Variants in TMEM50A observed in about 807,000 individuals in gnomAD.
The protein encoded by TMEM50A is transmembrane protein 50A.
Under a neutral mutation model 23.9 loss-of-function variants are expected in TMEM50A, and 8 were observed. That is an observed-to-expected ratio of 0.33 (90% CI 0.20 to 0.60). The LOEUF (loss-of-function observed/expected upper bound fraction) is 0.60, where lower values mean the gene tolerates loss of function less well. Ranked by LOEUF, TMEM50A falls within the 20% of genes least tolerant of loss-of-function variation. The pLI is 0.81. For missense variants in TMEM50A, 178 were observed against 192.7 expected (o/e 0.92, Z 0.45); for synonymous variants, 55 against 60.4 (o/e 0.91, Z 0.41).
intron 1 of TMEM50A, among the ~76,000 whole-genome samples, chr1:25,339,150 G>T (rs1645138615): frequency 6.6e-6 from 1 of 152,150 alleles, no homozygotes; most frequent in Admixed American, 6.6e-5. Context: ...ATAATTGCTG[G>T]CTACAAAGTA....
chr1:25,362,319 C>A lies in TMEM50A; in HGVS notation c.*1614C>A, dbSNP rs1645422272. ...TATTGATAGCATCATCCTAATGAAA[C>A]TAAACATTTATTTTAAACTTATTAA... is the stretch of plus-strand genomic sequence containing the variant. On this transcript the variant is annotated 3_prime_UTR_variant, in exon 7 of 7. Coordinates refer to ENST00000374358, the MANE Select transcript of TMEM50A (RefSeq NM_014313.4). 8.6e-7 allele frequency: 1 copy of A among 1,157,890 alleles called. No individual in the cohort carries two copies. The highest frequency in any genetic ancestry group is 2.6e-5 in the Admixed American group (1 of 38,584). 71.7% of individuals were successfully genotyped at this position (1,157,890 alleles called of 1,614,324 possible). A position where few individuals can be genotyped will look rare whatever the true frequency, so the allele number is the denominator to read the frequency against.
chr1:25,349,060 C>A (rs917938203), intron 3 of TMEM50A, among the ~76,000 whole-genome samples: 10 of 152,108 alleles, frequency 6.6e-5, no homozygotes, highest in African/African-American at 2.2e-4. Flanking sequence ...GAAGGCAGCC[C>A]TACATGGGAT....
At chr1:25,360,273 C>T (rs1394230498) in intron 6 of TMEM50A, among the ~76,000 whole-genome samples, 3 of 150,582 alleles carry the variant, frequency 2.0e-5, no homozygotes, top group East Asian at 1.9e-4. Context: ...GGCATGAACC[C>T]GGGAGGCAGA....
intron 6 of TMEM50A, among the ~76,000 whole-genome samples, chr1:25,357,762 C>T (rs550321731): frequency 2.0e-5 from 3 of 152,050 alleles, no homozygotes; most frequent in East Asian, 1.9e-4. Flanking sequence ...CTCAGCCTCC[C>T]GTGTAGCTGG....
rs376704096 is a variant in TMEM50A at position 25,340,587 on chromosome 1, T to A, written c.93+8T>A. 93 of 1,607,212 alleles carry A rather than the reference T, an allele frequency of 5.8e-5. 1 individual carries two copies. Among genetic ancestry groups the A allele is most frequent in the Non-Finnish European group, 7.9e-5 (93 of 1,176,668 alleles). On this transcript the variant is annotated splice_region_variant and intron_variant, in intron 2 of 6. Coordinates refer to ENST00000374358, the MANE Select transcript of TMEM50A (RefSeq NM_014313.4). ...ATTGCTGCTGGTGTACTAGTAAGTG[T>A]CATTGATTATTTGGGCCTTATTTTT...
rs143291444 is a variant in TMEM50A at position 25,342,885 on chromosome 1, T to C, written c.94-76T>C. 1.5e-5 allele frequency: 18 copies of C among 1,179,920 alleles called. No homozygotes were observed. The African/African-American group carries it at 2.1e-4, about 14-fold the overall frequency. The allele number at this position is 1,179,920 out of a possible 1,614,324, so 73.1% of individuals were successfully genotyped here. On this transcript the variant is annotated intron_variant, in intron 2 of 6. Transcript: ENST00000374358. ...TTGAAATGTATTAAAAGGGATCTCC[T>C]CACTTAAATACCTTGCTTTTAGCCA...
intron 3 of TMEM50A, among the ~76,000 whole-genome samples, chr1:25,344,355 AAAACCGGT>A (rs1645192240): frequency 6.6e-6 from 1 of 152,220 alleles, no homozygotes; most frequent in South Asian, 2.1e-4. Context: ...AAAAATTTTT[AAAACCGGT>A]AAACAAAATT....
At chr1:25,341,436 T>A (rs1645167448) in intron 2 of TMEM50A, among the ~76,000 whole-genome samples, 1 of 152,114 alleles carries the variant, frequency 6.6e-6, no homozygotes, top group African/African-American at 2.4e-5. Flanking sequence ...TTTTTTTGTA[T>A]TTTAGTAGAG....
intron 2 of TMEM50A, 32 bp from the exon 3 acceptor site, chr1:25,342,929 A>G: frequency 6.4e-7 from 1 of 1,574,094 alleles, no homozygotes; most frequent in Non-Finnish European, 8.7e-7. Context: ...CAGAATTGCT[A>G]TGATTTCTCA....
chr1:25,357,307 C>A (rs1430415354), intron 6 of TMEM50A, among the ~76,000 whole-genome samples: 1 of 152,076 alleles, frequency 6.6e-6, no homozygotes, highest in East Asian at 1.9e-4. Flanking sequence ...TTTTTTTATC[C>A]TTCCCTTTCA....
chr1:25,360,155 T>C (rs1312031139), intron 6 of TMEM50A, among the ~76,000 whole-genome samples: 3 of 152,050 alleles, frequency 2.0e-5, no homozygotes, highest in Non-Finnish European at 4.4e-5. Context: ...CGAGACCATC[T>C]TGGCTACCAT....
chr1:25,357,609 AGTGTGTGT>A lies in TMEM50A; in HGVS notation c.428+789_428+796del, dbSNP rs60773283. Among the ~76,000 whole-genome samples the A allele has an allele frequency of 1.5e-3, 167 of 111,536 alleles. 1 individual carries two copies. The highest frequency in any genetic ancestry group is 4.6e-3 in the African/African-American group (131 of 28,260). 73.2% of individuals were successfully genotyped at this position (111,536 alleles called of 152,430 possible). On this transcript the variant is annotated intron_variant, in intron 6 of 6. Transcript: ENST00000374358. ...GAGACAGAGTCTCAGTCTCTCACCCAGTGTGTGTGTGTGTGTGTGTGTGTGTGTGTGTG... is the reference window on the plus strand; with the variant it reads ...GAGACAGAGTCTCAGTCTCTCACCCAGTGTGTGTGTGTGTGTGTGTGTGTG...
chr1:25,345,782 GTTTA>G (rs1007489742), intron 3 of TMEM50A, among the ~76,000 whole-genome samples: 8 of 149,492 alleles, frequency 5.4e-5, no homozygotes, highest in African/African-American at 1.5e-4. Flanking sequence ...ATTTTAGTTT[GTTTA>G]TTTATTTATT....
rs751107210 is a variant in TMEM50A, at chr1:25,356,782, T to C, written c.368-11T>C. On this transcript the variant is annotated splice_polypyrimidine_tract_variant and intron_variant, in intron 5 of 6. Coordinates refer to ENST00000374358, the MANE Select transcript of TMEM50A (RefSeq NM_014313.4). ...ATCATAACCCTCTAAACACTGCAATTATTTTTACAGAAAAAGACATAGTAT... is the reference window on the plus strand; with the variant it reads ...ATCATAACCCTCTAAACACTGCAATCATTTTTACAGAAAAAGACATAGTAT... 6.4e-7 allele frequency: 1 copy of C among 1,572,772 alleles called. No individual in the cohort carries two copies. Among genetic ancestry groups the C allele is most frequent in the Admixed American group, 2.1e-5 (1 of 48,434 alleles).
intron 5 of TMEM50A, among the ~76,000 whole-genome samples, chr1:25,354,927 A>G (rs1571805829): frequency 6.6e-6 from 1 of 151,964 alleles, no homozygotes; most frequent in East Asian, 2.0e-4. Context: ...GCCTGCCGCC[A>G]TGTCCAGCTA....
At chr1:25,356,195 G>C (rs1645331764) in intron 5 of TMEM50A, among the ~76,000 whole-genome samples, 1 of 152,160 alleles carries the variant, frequency 6.6e-6, no homozygotes, top group South Asian at 2.1e-4. Flanking sequence ...CAACCCAGTG[G>C]CTTCTCGTCT....
chr1:25,342,673 T>G (rs3093587), intron 2 of TMEM50A: 6,824 of 185,152 alleles, frequency 0.037, 449 homozygotes, highest in African/African-American at 0.14. Flanking sequence ...TCCCCCTCCA[T>G]GAGATAACTG....
At chr1:25,347,087 C>T (rs1381380013) in intron 3 of TMEM50A, among the ~76,000 whole-genome samples, 1 of 152,074 alleles carries the variant, frequency 6.6e-6, no homozygotes, top group Non-Finnish European at 1.5e-5. Context: ...ATATACATCT[C>T]AACAAATTTT....
chr1:25,357,551 G>GTGTGTGTGTGT (rs1303666175), intron 6 of TMEM50A, among the ~76,000 whole-genome samples: 3 of 147,968 alleles, frequency 2.0e-5, no homozygotes, highest in Admixed American at 6.7e-5. Context: ...GTGTGTGTGT[G>GTGTGTGTGTGT]TGTGTGTGTG....
Sources: allele counts gnomAD v4.1 joint callset (sites outside exome capture counted in the v4.1 genomes callset), GRCh38; gene constraint gnomAD v4.1.1; transcripts MANE v1.5; gene names NCBI Gene and HGNC (gene_info 2026-07-23, HGNC 2026-07-21).